Variants in ENTREP2 observed in about 807,000 individuals in gnomAD.
The protein encoded by ENTREP2 is endosomal transmembrane epsin interactor 2.
the ENTREP2 span, among the ~76,000 whole-genome samples, chr15:29,657,246 C>T: frequency 2.6e-5 from 4 of 151,292 alleles, no homozygotes; most frequent in Admixed American, 2.0e-4. Flanking sequence ...TTTTTAGTGG[C>T]TACAGGGTTT....
At chr15:29,446,399 G>T in the ENTREP2 span, among the ~76,000 whole-genome samples, 2 of 152,032 alleles carry the variant, frequency 1.3e-5, no homozygotes, top group Non-Finnish European at 2.9e-5. Context: ...TTTTTTCCTG[G>T]AACAGGTTCC....
chr15:29,667,489 T>C, the ENTREP2 span, among the ~76,000 whole-genome samples: 1 of 88,944 alleles, frequency 1.1e-5, no homozygotes, highest in African/African-American at 4.9e-5. Context: ...CGCCTGGCCT[T>C]TTTTTTTTTT....
the ENTREP2 span, among the ~76,000 whole-genome samples, chr15:29,387,230 G>A: frequency 6.6e-6 from 1 of 152,146 alleles, no homozygotes; most frequent in Non-Finnish European, 1.5e-5. Flanking sequence ...TTTTGTCAAA[G>A]GCCTTTTCTG....
At chr15:29,423,478 T>C in the ENTREP2 span, among the ~76,000 whole-genome samples, 1 of 152,102 alleles carries the variant, frequency 6.6e-6, no homozygotes. Flanking sequence ...TATTCATACC[T>C]AGATTTTTTG....
chr15:29,201,194 CAT>C, the ENTREP2 span, among the ~76,000 whole-genome samples: 1 of 152,174 alleles, frequency 6.6e-6, no homozygotes, highest in East Asian at 1.9e-4. Context: ...GGATTTTCTA[CAT>C]AGATACTCAT....
At chr15:29,200,080 C>T in the ENTREP2 span, among the ~76,000 whole-genome samples, 1 of 152,190 alleles carries the variant, frequency 6.6e-6, no homozygotes, top group Admixed American at 6.5e-5. Flanking sequence ...TATCTTTCCA[C>T]CAACCACCAA....
chr15:29,319,983 A>G, the ENTREP2 span, among the ~76,000 whole-genome samples: 1 of 152,174 alleles, frequency 6.6e-6, no homozygotes, highest in African/African-American at 2.4e-5. Context: ...GGGAAAGGCT[A>G]GTCCTAGTGA....
chr15:29,218,648 C>A, the ENTREP2 span, among the ~76,000 whole-genome samples: 97 of 152,160 alleles, frequency 6.4e-4, no homozygotes, highest in Admixed American at 2.0e-3. Context: ...ATAGAGAACC[C>A]AGAAATAAGC....
At chr15:29,123,906 C>T in the ENTREP2 span, among the ~76,000 whole-genome samples, 10 of 152,252 alleles carry the variant, frequency 6.6e-5, no homozygotes, top group Admixed American at 2.6e-4. Flanking sequence ...CAGCAGGCAG[C>T]GACCCACTTC....
chr15:29,641,070 AAC>A, the ENTREP2 span, among the ~76,000 whole-genome samples: 1 of 152,222 alleles, frequency 6.6e-6, no homozygotes, highest in African/African-American at 2.4e-5. Context: ...TAAAGGAAAA[AAC>A]ACACAACAAT....
the ENTREP2 span, among the ~76,000 whole-genome samples, chr15:29,139,691 C>T: frequency 5.9e-5 from 9 of 152,200 alleles, no homozygotes; most frequent in South Asian, 4.1e-4. Flanking sequence ...GGTCAAAGGA[C>T]GCGGCTGCAT....
the ENTREP2 span, among the ~76,000 whole-genome samples, chr15:29,159,442 G>C: frequency 1.3e-5 from 2 of 152,136 alleles, no homozygotes; most frequent in African/African-American, 4.8e-5. Flanking sequence ...AAAAGGACAG[G>C]GCCGGGTTGC....
chr15:29,649,739 A>G, the ENTREP2 span, among the ~76,000 whole-genome samples: 1 of 151,590 alleles, frequency 6.6e-6, no homozygotes, highest in African/African-American at 2.4e-5. Flanking sequence ...AAAAAAAAAA[A>G]AAAAAAGAAA....
At chr15:29,129,808 A>G in the ENTREP2 span, among the ~76,000 whole-genome samples, 1 of 152,088 alleles carries the variant, frequency 6.6e-6, no homozygotes, top group Non-Finnish European at 1.5e-5. Flanking sequence ...CCCGGATGCG[A>G]TGTTTGGATG....
the ENTREP2 span, among the ~76,000 whole-genome samples, chr15:29,158,713 C>T: frequency 6.6e-6 from 1 of 152,100 alleles, no homozygotes; most frequent in African/African-American, 2.4e-5. Context: ...TGATTCAAAA[C>T]GGCGAATATG....
At chr15:29,406,313 A>C in the ENTREP2 span, among the ~76,000 whole-genome samples, 4 of 152,314 alleles carry the variant, frequency 2.6e-5, no homozygotes, top group Middle Eastern at 6.8e-3. Flanking sequence ...TTGGGAGGCC[A>C]AGGCGGGTGG....
chr15:29,402,440 C>T, the ENTREP2 span, among the ~76,000 whole-genome samples: 3 of 152,010 alleles, frequency 2.0e-5, no homozygotes, highest in Non-Finnish European at 2.9e-5. Context: ...TTCGGCCTCC[C>T]GAATAGCAGG....
chr15:29,586,446 A>T, the ENTREP2 span, among the ~76,000 whole-genome samples: 1 of 152,226 alleles, frequency 6.6e-6, no homozygotes, highest in South Asian at 2.1e-4. Flanking sequence ...ACTTTAAAAG[A>T]GTGAATTTTA....
chr15:29,338,089 G>A, the ENTREP2 span, among the ~76,000 whole-genome samples: 4 of 151,620 alleles, frequency 2.6e-5, no homozygotes, highest in South Asian at 2.1e-4. Context: ...ATATCATCTC[G>A]CCCAGTGCCT....
Sources: allele counts gnomAD v4.1 joint callset (sites outside exome capture counted in the v4.1 genomes callset), GRCh38; gene constraint gnomAD v4.1.1; transcripts MANE v1.5; gene names NCBI Gene and HGNC (gene_info 2026-07-23, HGNC 2026-07-21).